The following PDXDC1 variants were observed in gnomAD, a reference collection of about 807,000 sequenced individuals.
PDXDC1 encodes the protein pyridoxal-dependent decarboxylase domain-containing protein 1.
Under a neutral mutation model 100.1 loss-of-function variants are expected in PDXDC1, and 42 were observed. The observed-to-expected ratio is 0.42, with a 90% confidence interval of 0.33 to 0.54. The LOEUF is 0.54. Ranked by LOEUF, PDXDC1 falls within the 20% of genes least tolerant of loss-of-function variation. The pLI is 0.10. For missense variants in PDXDC1, 636 were observed against 979.2 expected, an observed-to-expected ratio of 0.65 and a Z score of 4.68; for synonymous variants, 260 against 371.7, an observed-to-expected ratio of 0.70 and a Z score of 3.46.
chr16:15,101,686 C>T (rs2046555132), intron 16 of PDXDC1, among the ~76,000 whole-genome samples: 1 of 148,452 alleles, frequency 6.7e-6, no homozygotes, highest in Admixed American at 6.8e-5. Context: ...CAAAATCATG[C>T]ACTCTAGCCT....
chr16:15,071,549 C>A (rs551982266), intron 16 of PDXDC1, among the ~76,000 whole-genome samples: 3 of 152,258 alleles, frequency 2.0e-5, no homozygotes, highest in African/African-American at 7.2e-5. Context: ...GGGTGGATCA[C>A]CCAAGGTCAG....
At chr16:15,044,565 A>G (rs898549470) in intron 16 of PDXDC1, 2 of 628,078 alleles carry the variant, frequency 3.2e-6, no homozygotes, top group Non-Finnish European at 5.7e-6. Context: ...TCGGCAGCAC[A>G]CTGCCAAGGC....
intron 12 of PDXDC1, among the ~76,000 whole-genome samples, chr16:15,020,254 C>T (rs1455957592): frequency 1.3e-5 from 2 of 152,206 alleles, no homozygotes; most frequent in African/African-American, 4.8e-5. Context: ...CAAGGATTGC[C>T]AGGATGGCTC....
chr16:15,151,456 CA>C, the PDXDC1 span, among the ~76,000 whole-genome samples: 1 of 52,564 alleles, frequency 1.9e-5, no homozygotes, highest in Non-Finnish European at 3.8e-5. Flanking sequence ...AAAAAAAAGA[CA>C]TCAACTAATT....
At chr16:15,096,258 G>A (rs1453679302) in intron 16 of PDXDC1, among the ~76,000 whole-genome samples, 1 of 151,894 alleles carries the variant, frequency 6.6e-6, no homozygotes, top group Admixed American at 6.6e-5. Flanking sequence ...ACAGGCATGC[G>A]CCACCATGCC....
At chr16:15,012,686 AC>A (rs1268472911) in intron 8 of PDXDC1, among the ~76,000 whole-genome samples, 1 of 152,250 alleles carries the variant, frequency 6.6e-6, no homozygotes, top group Non-Finnish European at 1.5e-5. Context: ...GGAAATCTCT[AC>A]AAAAAATACT....
intron 1 of PDXDC1, among the ~76,000 whole-genome samples, chr16:14,977,970 A>G (rs1326899247): frequency 2.6e-5 from 4 of 152,282 alleles, no homozygotes; most frequent in African/African-American, 7.2e-5. Context: ...AACAAAATGT[A>G]GTATGCGATC....
At chr16:15,101,994 G>C (rs182746155) in intron 16 of PDXDC1, among the ~76,000 whole-genome samples, 1 of 152,110 alleles carries the variant, frequency 6.6e-6, no homozygotes, top group East Asian at 2.0e-4. Flanking sequence ...GATTACAGGT[G>C]CGTGCCACCA....
At chr16:15,033,493 G>A in intron 19 of PDXDC1, 94 bp downstream of exon 19, 2 of 1,380,128 alleles carry the variant, frequency 1.4e-6, no homozygotes, top group Non-Finnish European at 2.0e-6. Flanking sequence ...TGGGATGTCT[G>A]TTCGTTGTCT....
At chr16:15,125,585 C>A (rs3863419) in intron 16 of PDXDC1, 1 of 1,482,578 alleles carries the variant, frequency 6.7e-7, no homozygotes. Flanking sequence ...TCACTCTTCA[C>A]CTGTCCAGCA....
At position 15,035,544 on chromosome 16, in the gene PDXDC1, A is replaced by G; in HGVS notation, c.2098A>G (p.Arg700Gly). ...PTPSGSRTKQ[R>G]LPGQKPFKRS... Reference sequence around the variant, plus strand: ...GCCCTCGGGCAGTCGCACCAAGCAGAGGCTTCCAGGTAAGTGACGCCTCTG... The same window carrying G: ...GCCCTCGGGCAGTCGCACCAAGCAGGGGCTTCCAGGTAAGTGACGCCTCTG... Residue 700 changes from arginine to glycine, a missense_variant, in exon 22 of 23, where the codon AGG becomes GGG. Around this residue, in one of 4 missense-constraint regions of PDXDC1, gnomAD observed 452 missense variants for 402.9 expected, o/e 1.12. Coordinates refer to ENST00000396410, the MANE Select transcript of PDXDC1 (RefSeq NM_015027.4). 2 of 1,605,850 alleles carry G rather than the reference A, an allele frequency of 1.2e-6. No individual in the cohort carries two copies. The highest frequency in any genetic ancestry group is 1.7e-6 in the Non-Finnish European group (2 of 1,174,308).
At chr16:15,124,556 C>T (rs2047600174) in intron 16 of PDXDC1, among the ~76,000 whole-genome samples, 1 of 150,336 alleles carries the variant, frequency 6.7e-6, no homozygotes, top group Non-Finnish European at 1.5e-5. Flanking sequence ...GGGCGGATCA[C>T]AAGGTCAGGA....
chr16:15,086,343 G>C (rs777227104), intron 16 of PDXDC1: 2 of 1,613,060 alleles, frequency 1.2e-6, no homozygotes, highest in South Asian at 2.2e-5. Flanking sequence ...ATACTTTACA[G>C]TAAAATAAAT....
chr16:15,093,825 C>A lies in PDXDC1; in HGVS notation c.1400-45054C>A, dbSNP rs2046238634. ...TAACCCACATAGCCCAGGGAAATCC[C>A]TTCCAAATTTGGACGAAGAAGAGGG... On this transcript the variant is annotated intron_variant, in intron 16 of 16. Transcript: ENST00000535621. 7.2e-6 allele frequency: 3 copies of A among 415,302 alleles called. No individual in the cohort carries two copies. In the South Asian group the frequency reaches 9.6e-5, roughly 13 times the overall value. 25.7% of individuals were successfully genotyped at this position (415,302 alleles called of 1,614,324 possible).
At chr16:15,082,553 G>C (rs1164717199) in intron 16 of PDXDC1, among the ~76,000 whole-genome samples, 1 of 151,950 alleles carries the variant, frequency 6.6e-6, no homozygotes, top group East Asian at 1.9e-4. Flanking sequence ...CATGTCTATA[G>C]TCCCACCTAC....
chr16:15,117,406 A>C (rs1229530984), intron 16 of PDXDC1, among the ~76,000 whole-genome samples: 1 of 146,760 alleles, frequency 6.8e-6, no homozygotes, highest in Non-Finnish European at 1.5e-5. Context: ...CACGCCTGTA[A>C]TCCCAGCACT....
downstream of PDXDC1, among the ~76,000 whole-genome samples, chr16:15,141,514 G>A (rs1190931575): frequency 1.3e-5 from 2 of 152,204 alleles, no homozygotes; most frequent in African/African-American, 4.8e-5. Context: ...CAGGGGCTGT[G>A]GGACACTCAG....
At chr16:15,050,727 G>A (rs2044260711) in intron 16 of PDXDC1, among the ~76,000 whole-genome samples, 1 of 150,506 alleles carries the variant, frequency 6.6e-6, no homozygotes, top group Admixed American at 6.6e-5. Flanking sequence ...CCAAGACCCT[G>A]CCTCAAAAAA....
intron 1 of PDXDC1, among the ~76,000 whole-genome samples, chr16:14,987,014 C>T (rs1479907660): frequency 2.0e-5 from 3 of 152,264 alleles, no homozygotes; most frequent in Non-Finnish European, 2.9e-5. Flanking sequence ...TCCCAAAGTG[C>T]TGGTTTTACA....
Sources: allele counts gnomAD v4.1 joint callset (sites outside exome capture counted in the v4.1 genomes callset), GRCh38; gene constraint gnomAD v4.1.1; regional missense constraint gnomAD v4.1.1; transcripts MANE v1.5; gene names NCBI Gene and HGNC (gene_info 2026-07-23, HGNC 2026-07-21).